SAMD3: variants seen among roughly 807,000 people sequenced by gnomAD.
SAMD3 encodes the protein sterile alpha motif domain-containing protein 3.
In SAMD3, 63 loss-of-function variants were observed where a neutral mutation model predicts 58.5. The observed-to-expected ratio is 1.08, with a 90% CI of 0.88 to 1.33. The LOEUF is 1.33. Ranked by LOEUF, SAMD3 falls within the 40% of genes most tolerant of loss-of-function variation. The pLI, the probability that SAMD3 is intolerant of heterozygous loss-of-function variation, is 0.00. For missense variants in SAMD3, 604 were observed against 608.4 expected (o/e 0.99, Z 0.08); for synonymous variants, 220 against 210.3 (o/e 1.05, Z -0.40).
At chr6:130,344,903 T>G (rs1219162246) in intron 1 of SAMD3, among the ~76,000 whole-genome samples, 1 of 149,550 alleles carries the variant, frequency 6.7e-6, no homozygotes, top group Non-Finnish European at 1.5e-5. Flanking sequence ...TTCCTTTTAC[T>G]GTTTCAGGAC....
At chr6:130,148,835 T>A (rs1243002785) in intron 9 of SAMD3, among the ~76,000 whole-genome samples, 1 of 126,592 alleles carries the variant, frequency 7.9e-6, no homozygotes, top group African/African-American at 3.0e-5. Flanking sequence ...ATCATGACAC[T>A]CCAGCCTGGA....
chr6:130,182,753 T>C (rs1391939637), intron 7 of SAMD3, among the ~76,000 whole-genome samples: 1 of 152,200 alleles, frequency 6.6e-6, no homozygotes, highest in East Asian at 1.9e-4. Context: ...TCCTTTGTTG[T>C]TCTTGGAAAT....
intron 10 of SAMD3, 145 bp downstream of exon 10, chr6:130,145,859 ATTTTAG>A (rs1788574333): frequency 3.8e-6 from 1 of 262,074 alleles, no homozygotes; most frequent in Non-Finnish European, 6.8e-6. Flanking sequence ...TATTAAATAT[ATTTTAG>A]TAATGTAAAT....
chr6:130,363,841 C>T (rs528375226), intron 1 of SAMD3, among the ~76,000 whole-genome samples: 3 of 152,058 alleles, frequency 2.0e-5, no homozygotes, highest in Non-Finnish European at 4.4e-5. Flanking sequence ...TACTTGATGG[C>T]GAGAAGTAGA....
intron 5 of SAMD3, among the ~76,000 whole-genome samples, chr6:130,190,410 A>G (rs530404056): frequency 8.5e-4 from 129 of 152,314 alleles, no homozygotes; most frequent in Middle Eastern, 6.8e-3. Flanking sequence ...CAAGGATTTT[A>G]AAGCGGCCAT....
At chr6:130,329,376 C>T (rs760025437) in intron 1 of SAMD3, among the ~76,000 whole-genome samples, 1 of 151,872 alleles carries the variant, frequency 6.6e-6, no homozygotes, top group African/African-American at 2.4e-5. Flanking sequence ...TCTTTACAAT[C>T]CATTTTCACA....
At chr6:130,364,341 G>A (rs1189529644) in intron 1 of SAMD3, among the ~76,000 whole-genome samples, 1 of 151,916 alleles carries the variant, frequency 6.6e-6, no homozygotes, top group Non-Finnish European at 1.5e-5. Context: ...CATTTTAAAC[G>A]TTTTACCATG....
intron 2 of SAMD3, among the ~76,000 whole-genome samples, chr6:130,265,661 G>C (rs1373736444): frequency 6.6e-6 from 1 of 152,104 alleles, no homozygotes; most frequent in Non-Finnish European, 1.5e-5. Flanking sequence ...AACCTAATGT[G>C]TGTTATGACC....
intron 5 of SAMD3, among the ~76,000 whole-genome samples, chr6:130,198,972 G>A (rs983135986): frequency 2.6e-5 from 4 of 152,132 alleles, no homozygotes; most frequent in African/African-American, 9.7e-5. Context: ...GGCACAAATT[G>A]TACCTTTCTC....
At chr6:130,207,158 T>G (rs1582924910) in intron 5 of SAMD3, among the ~76,000 whole-genome samples, 1 of 36,564 alleles carries the variant, frequency 2.7e-5, no homozygotes, top group Non-Finnish European at 5.9e-5. Flanking sequence ...CCCCATCTCA[T>G]CAAAAAAAAA....
At chr6:130,225,562 G>A (rs114487199), upstream of SAMD3, among the ~76,000 whole-genome samples, 6,581 of 152,234 alleles carry the variant, frequency 0.043, 458 homozygotes, top group African/African-American at 0.15. Flanking sequence ...GATTATAATA[G>A]CACATAGCTT....
At chr6:130,170,702 G>T (rs530603204) in intron 8 of SAMD3, among the ~76,000 whole-genome samples, 1 of 152,108 alleles carries the variant, frequency 6.6e-6, no homozygotes, top group Non-Finnish European at 1.5e-5. Flanking sequence ...TATTCTCTTT[G>T]TAGCAGTCGC....
At chr6:130,338,098 G>A (rs79575551) in intron 1 of SAMD3, among the ~76,000 whole-genome samples, 4,965 of 152,272 alleles carry the variant, frequency 0.033, 264 homozygotes, top group African/African-American at 0.11. Context: ...CAGGGCCCCC[G>A]CTGCTTTGTG....
intron 9 of SAMD3, among the ~76,000 whole-genome samples, chr6:130,154,126 A>G (rs1789506680): frequency 6.6e-6 from 1 of 152,192 alleles, no homozygotes; most frequent in Non-Finnish European, 1.5e-5. Flanking sequence ...CACACTGTCA[A>G]AATACCCCTA....
chr6:130,178,669 C>A (rs990631569), intron 7 of SAMD3, among the ~76,000 whole-genome samples: 1 of 152,176 alleles, frequency 6.6e-6, no homozygotes, highest in Non-Finnish European at 1.5e-5. Context: ...TACATATCAG[C>A]CAAGTAACCC....
intron 9 of SAMD3, among the ~76,000 whole-genome samples, chr6:130,152,107 G>GCCCCCCCC (rs1554251457): frequency 6.6e-6 from 1 of 152,074 alleles, no homozygotes; most frequent in Non-Finnish European, 1.5e-5. Context: ...CAGGACCACC[G>GCCCCCCCC]CCCACCCCGG....
intron 2 of SAMD3, among the ~76,000 whole-genome samples, chr6:130,216,250 T>C (rs752925345): frequency 2.9e-5 from 4 of 136,186 alleles, no homozygotes; most frequent in Non-Finnish European, 6.3e-5. Context: ...TGGAGAGGGG[T>C]GGGGTGGAGG....
At chr6:130,280,896 A>T (rs1477303458) in intron 2 of SAMD3, among the ~76,000 whole-genome samples, 2 of 152,258 alleles carry the variant, frequency 1.3e-5, no homozygotes, top group Middle Eastern at 3.2e-3. Flanking sequence ...AATGTGACAC[A>T]GTAGTTCTCT....
intron 2 of SAMD3, among the ~76,000 whole-genome samples, chr6:130,305,998 T>C (rs1228147981): frequency 6.6e-6 from 1 of 152,222 alleles, no homozygotes; most frequent in Non-Finnish European, 1.5e-5. Context: ...TGCCTTACAA[T>C]GTGTCCTCAC....
Sources: allele counts gnomAD v4.1 joint callset (sites outside exome capture counted in the v4.1 genomes callset), GRCh38; gene constraint gnomAD v4.1.1; transcripts MANE v1.5; gene names NCBI Gene and HGNC (gene_info 2026-07-23, HGNC 2026-07-21).